The following WNT5A variants were observed in gnomAD, a reference collection of about 807,000 sequenced individuals.
WNT5A encodes Wnt family member 5A.
Under a neutral mutation model 42.1 loss-of-function variants are expected in WNT5A, and 9 were observed. That is an observed-to-expected ratio of 0.21 (90% CI 0.13 to 0.37). The LOEUF is 0.37. Among genes scored for constraint, WNT5A ranks in the 10% least tolerant of loss-of-function variants. The pLI, the probability that WNT5A is intolerant of heterozygous loss-of-function variation, is 1.00. For missense variants in WNT5A, 426 were observed against 534.0 expected (o/e 0.80, Z 1.99); for synonymous variants, 210 against 210.0 (o/e 1.00, Z 0.00).
chr3:55,499,971 T>TCCCC, the WNT5A span, among the ~76,000 whole-genome samples: 1 of 84,808 alleles, frequency 1.2e-5, no homozygotes, highest in African/African-American at 6.7e-5. Flanking sequence ...CGAGACTCCA[T>TCCCC]CCCCCCTCCA....
chr3:55,473,614 T>C (rs924681988), intron 4 of WNT5A, among the ~76,000 whole-genome samples: 6 of 152,212 alleles, frequency 3.9e-5, no homozygotes, highest in Admixed American at 6.5e-5. Flanking sequence ...AGCTACTTTG[T>C]GATTGGCCTG....
chr3:55,470,714 T>C (rs569476218), intron 4 of WNT5A, among the ~76,000 whole-genome samples, 164 bp from the exon 5 acceptor site: 1 of 152,368 alleles, frequency 6.6e-6, no homozygotes, highest in Non-Finnish European at 1.5e-5. Flanking sequence ...GTTGCCTTCT[T>C]TAAAAATTCT....
rs2051505869 is a variant in WNT5A, at chr3:55,483,308, G to C, written c.7-2390C>G. Among the ~76,000 whole-genome samples, 1 of 152,196 alleles carries C rather than the reference G, an allele frequency of 6.6e-6. No homozygotes were observed. Among genetic ancestry groups the C allele is most frequent in the South Asian group, 2.1e-4 (1 of 4,818 alleles). ...AGTCGCATCTCCACTTAACCCCGCC[G>C]CTTGCCCGGAAACACCTTGGCCCTC... On this transcript the variant is annotated intron_variant, in intron 1 of 4. Coordinates refer to ENST00000264634, the MANE Select transcript of WNT5A (RefSeq NM_003392.7). The surrounding 1 kb of genome is among the most constrained non-coding windows in gnomAD (Gnocchi z 4.2).
At chr3:55,476,364 CT>C (rs1449053426) in intron 3 of WNT5A, among the ~76,000 whole-genome samples, 1 of 152,290 alleles carries the variant, frequency 6.6e-6, no homozygotes, top group African/African-American at 2.4e-5. Context: ...TTACACCTAT[CT>C]AGCGGGATTA....
upstream of WNT5A, among the ~76,000 whole-genome samples, chr3:55,492,122 T>C (rs777501552): frequency 1.1e-4 from 17 of 152,332 alleles, no homozygotes; most frequent in Non-Finnish European, 2.4e-4. Context: ...ATGCCAATTA[T>C]CCCAGCACCA....
At chr3:55,470,787 T>C (rs2051236512) in intron 4 of WNT5A, among the ~76,000 whole-genome samples, 1 of 152,232 alleles carries the variant, frequency 6.6e-6, no homozygotes, top group South Asian at 2.1e-4. Context: ...CTGTGGTTTT[T>C]TAATAGGAAC....
rs371157119 is a variant in WNT5A at position 55,480,833 on chromosome 3, G to A, written c.92C>T (p.Ala31Val). 7.6e-6 allele frequency: 12 copies of A among 1,581,238 alleles called. No individual in the cohort carries two copies. Among genetic ancestry groups the A allele is most frequent in the Non-Finnish European group, 1.0e-5 (12 of 1,162,416 alleles). ...MSSKFFLVAL[A>V]IFFSFAQVVI... ...AACCTGGGCGAAGGAGAAAAATATG[G>A]CCAAAGCCACTAGGAAGAACTTGGA... The change falls in exon 2 of 5, where the codon GCC becomes GTC. Residue 31 changes from alanine (A) to valine (V), a missense_variant. Ala to Val is a moderately conservative substitution (Grantham distance 64, BLOSUM62 0). Coordinates refer to ENST00000264634, the MANE Select transcript of WNT5A (RefSeq NM_003392.7).
upstream of WNT5A, among the ~76,000 whole-genome samples, chr3:55,493,056 G>A (rs1022933845): frequency 3.3e-5 from 5 of 152,030 alleles, no homozygotes; most frequent in Admixed American, 2.0e-4. Context: ...CTTTTGCCCC[G>A]CCACCATCAA....
chr3:55,472,068 A>G (rs972133984), intron 4 of WNT5A, among the ~76,000 whole-genome samples: 1 of 152,170 alleles, frequency 6.6e-6, no homozygotes, highest in African/African-American at 2.4e-5. Context: ...ATTTTCTGGC[A>G]CAGTGCCCAA....
At chr3:55,473,924 A>C (rs1401647545) in intron 4 of WNT5A, among the ~76,000 whole-genome samples, 1 of 152,178 alleles carries the variant, frequency 6.6e-6, no homozygotes, top group Non-Finnish European at 1.5e-5. Flanking sequence ...GGTACCAGGG[A>C]CTAACTAAGA....
intron 1 of WNT5A, among the ~76,000 whole-genome samples, chr3:55,484,883 T>C (rs1193620582): frequency 1.3e-5 from 2 of 152,174 alleles, no homozygotes; most frequent in East Asian, 1.9e-4. Context: ...CACTTTTTAA[T>C]AGACGATTAA....
At chr3:55,485,775 G>A (rs750625041) in intron 1 of WNT5A, among the ~76,000 whole-genome samples, 1 of 152,144 alleles carries the variant, frequency 6.6e-6, no homozygotes, top group Non-Finnish European at 1.5e-5. Flanking sequence ...AGGCGAGAGA[G>A]GAGAAGGGGC....
intron 1 of WNT5A, among the ~76,000 whole-genome samples, chr3:55,485,972 A>C (rs1159941084): frequency 6.6e-6 from 1 of 152,200 alleles, no homozygotes; most frequent in East Asian, 1.9e-4. Flanking sequence ...GAAAAATGGA[A>C]ATAGGAATCG....
At chr3:55,473,014 A>G (rs1276470713) in intron 4 of WNT5A, among the ~76,000 whole-genome samples, 1 of 152,168 alleles carries the variant, frequency 6.6e-6, no homozygotes, top group Non-Finnish European at 1.5e-5. Context: ...AGATGTGGAA[A>G]TGGGAAAACT....
chr3:55,494,588 GA>G (rs1233115951), upstream of WNT5A, among the ~76,000 whole-genome samples: 1 of 152,038 alleles, frequency 6.6e-6, no homozygotes, highest in African/African-American at 2.4e-5. Flanking sequence ...TCCCAGGCTG[GA>G]GTGCAGTGGT....
At position 55,470,139 on chromosome 3, in the gene WNT5A, T is replaced by G. The variant is rs553825428; in HGVS notation, c.1096A>C (p.Lys366Gln). 1 of 1,614,172 alleles carries G rather than the reference T, an allele frequency of 6.2e-7. No homozygotes were observed. The highest frequency in any genetic ancestry group is 1.1e-5 in the South Asian group (1 of 91,086). ...ACGATCTCCGTGCACTTCTTGCACT[T>G]GACGTAGCAGCACCAGTGGAACTTG... ...HCKFHWCCYV[K>Q]CKKCTEIVDQ... is the part of the protein sequence containing the mutation. Residue 366 changes from lysine (K) to glutamine (Q), a missense_variant, in exon 5 of 5, where the codon AAG becomes CAG. By Grantham distance (53) the Lys-to-Gln change is moderately conservative. Coordinates refer to ENST00000264634, the MANE Select transcript of WNT5A (RefSeq NM_003392.7).
Position 55,468,696 on chromosome 3 carries a change from C to T in WNT5A, c.*1396G>A, listed in dbSNP as rs1372556854. On this transcript the variant is annotated 3_prime_UTR_variant, in exon 5 of 5. Coordinates refer to ENST00000264634, the MANE Select transcript of WNT5A (RefSeq NM_003392.7). ...GTACAAAAGACTTTGAGATATCAGG[C>T]ACCATTAAACCACATTTCCCCCCTT... 1 of 151,730 alleles carries T rather than the reference C, an allele frequency of 6.6e-6. No homozygotes were observed. The highest frequency in any genetic ancestry group is 1.5e-5 in the Non-Finnish European group (1 of 67,862). The allele number at this position is 151,730 out of a possible 1,614,324, so 9.4% of individuals were successfully genotyped here. A position where few individuals can be genotyped will look rare whatever the true frequency, so the allele number is the denominator to read the frequency against.
In WNT5A at chr3:55,475,710, G is replaced by C. The variant is rs955776153; in HGVS notation, c.392-1081C>G. Among the ~76,000 whole-genome samples the C allele has an allele frequency of 2.6e-5, 4 of 152,280 alleles. No individual in the cohort carries two copies. In the East Asian group the frequency reaches 5.8e-4, roughly 22 times the overall value. ...AAGCACAACCTATGGGGAAAAGAGG[G>C]AGGGAGAAGTTTTCTTCTTCCCAAA... is the stretch of plus-strand genomic sequence containing the variant. On this transcript the variant is annotated intron_variant, in intron 3 of 4. Transcript: ENST00000264634.
At chr3:55,491,527 T>A (rs2051659111), upstream of WNT5A, among the ~76,000 whole-genome samples, 1 of 152,104 alleles carries the variant, frequency 6.6e-6, no homozygotes, top group Non-Finnish European at 1.5e-5. Flanking sequence ...CAAAGCAGAG[T>A]GCAAGATAAG....
Sources: gnomAD v4.1 joint callset for allele counts (sites outside exome capture counted in the v4.1 genomes callset) on GRCh38, gnomAD v4.1.1 for gene constraint, Gnocchi (gnomAD v3.1) non-coding constraint, MANE v1.5 for transcripts, NCBI Gene and HGNC (gene_info 2026-07-23, HGNC 2026-07-21) for gene names.